Variants in EPB41L5 observed in about 807,000 individuals in gnomAD.
EPB41L5 encodes erythrocyte membrane protein band 4.1 like 5, also known as band 4.1-like protein 5.
A neutral mutation model predicts 106.6 loss-of-function variants in EPB41L5; 55 were observed. That is an observed-to-expected ratio of 0.52 (90% CI 0.42 to 0.65). The LOEUF (loss-of-function observed/expected upper bound fraction) is 0.65, where lower values mean the gene tolerates loss of function less well. EPB41L5 is among the 30% of genes least tolerant of loss of function. The pLI is 0.00. For synonymous variants in EPB41L5, 297 were observed against 306.7 expected (o/e 0.97, Z 0.33); for missense variants, 871 against 882.1 (o/e 0.99, Z 0.16).
rs539813602 is a variant in EPB41L5, at chr2:120,069,128, C to CAAAAAAAA, written c.286-4018_286-4011dup. Among the ~76,000 whole-genome samples, 55 of 79,548 alleles carry CAAAAAAAA rather than the reference C, an allele frequency of 6.9e-4. 1 individual carries two copies. Among genetic ancestry groups the CAAAAAAAA allele is most frequent in the African/African-American group, 1.2e-3 (20 of 16,920 alleles). The allele number at this position is 79,548 out of a possible 152,430, so 52.2% of individuals were successfully genotyped here. ...GGGCAACAAGAGTGAAACTCTGTCT[C>CAAAAAAAA]AAAAAAAAAAAAAAAAAAAAAAAAA... On this transcript the variant is annotated intron_variant, in intron 3 of 24. Coordinates refer to ENST00000263713, the MANE Select transcript of EPB41L5 (RefSeq NM_020909.4).
chr2:120,039,375 A>G (rs1679248682), intron 2 of EPB41L5, among the ~76,000 whole-genome samples: 1 of 152,170 alleles, frequency 6.6e-6, no homozygotes, highest in Non-Finnish European at 1.5e-5. Context: ...GTTGTACAAC[A>G]TGGTGAATAT....
At chr2:120,130,166 T>C (rs985384855) in intron 17 of EPB41L5, among the ~76,000 whole-genome samples, 1 of 148,712 alleles carries the variant, frequency 6.7e-6, no homozygotes, top group Non-Finnish European at 1.5e-5. Context: ...AAAAAAGGGT[T>C]CCTAAGAGTT....
intron 10 of EPB41L5, among the ~76,000 whole-genome samples, chr2:120,084,352 T>C (rs558425563): frequency 1.3e-5 from 2 of 152,216 alleles, no homozygotes; most frequent in East Asian, 3.8e-4. Flanking sequence ...TTTGCTTGTC[T>C]GTAAACTATT....
At chr2:120,132,906 C>T (rs933288808) in intron 18 of EPB41L5, among the ~76,000 whole-genome samples, 6 of 152,116 alleles carry the variant, frequency 3.9e-5, no homozygotes, top group Non-Finnish European at 1.5e-5. Flanking sequence ...TGGCTGTGCT[C>T]AGAGTTCATG....
chr2:120,021,002 T>C (rs1410843248), intron 2 of EPB41L5, among the ~76,000 whole-genome samples: 1 of 152,140 alleles, frequency 6.6e-6, no homozygotes, highest in Non-Finnish European at 1.5e-5. Flanking sequence ...ATGGGGACAA[T>C]TGTAGTGAAA....
At chr2:120,042,994 AATGTGTGT>A (rs1483557148) in intron 3 of EPB41L5, among the ~76,000 whole-genome samples, 11 of 71,120 alleles carry the variant, frequency 1.5e-4, no homozygotes, top group African/African-American at 4.1e-4. Context: ...TTTTTCTGGA[AATGTGTGT>A]GTGTGTGTGT....
Position 120,019,131 on chromosome 2 carries a change from A to G in EPB41L5, c.47A>G (p.Lys16Arg), listed in dbSNP as rs1427653218. 1.9e-6 allele frequency: 3 copies of G among 1,613,678 alleles called. No individual in the cohort carries two copies. The highest frequency in any genetic ancestry group is 2.5e-6 in the Non-Finnish European group (3 of 1,179,982). ...ACACTAGGGCGTCGGTCTATGCGTA[A>G]ACATGCAGAGAAGGAACGACTCCGA... ...RRTLGRRSMR[K>R]HAEKERLREA... Residue 16 changes from lysine to arginine, a missense_variant, in exon 2 of 25, where the codon AAA becomes AGA. Lys to Arg is a conservative substitution (Grantham distance 26, BLOSUM62 2). Transcript: ENST00000263713.
intron 3 of EPB41L5, among the ~76,000 whole-genome samples, chr2:120,043,539 C>G (rs1038625579): frequency 6.7e-6 from 1 of 150,148 alleles, no homozygotes; most frequent in South Asian, 2.1e-4. Flanking sequence ...AGAGCGAGAC[C>G]CTGTCTCAAA....
At chr2:120,071,187 A>AGAGAG (rs1681839203) in intron 3 of EPB41L5, among the ~76,000 whole-genome samples, 1 of 151,906 alleles carries the variant, frequency 6.6e-6, no homozygotes, top group Non-Finnish European at 1.5e-5. Context: ...ATTCCTATAC[A>AGAGAG]CCAATAACAG....
intron 10 of EPB41L5, among the ~76,000 whole-genome samples, chr2:120,083,083 G>GT (rs1300844825): frequency 4.6e-5 from 7 of 152,138 alleles, no homozygotes; most frequent in East Asian, 1.9e-4. Context: ...TTTTTGAAGG[G>GT]TTTTTTGTGT....
At chr2:120,079,409 A>G (rs1682483989) in intron 10 of EPB41L5, among the ~76,000 whole-genome samples, 1 of 152,146 alleles carries the variant, frequency 6.6e-6, no homozygotes, top group Non-Finnish European at 1.5e-5. Context: ...TCTGACTCAG[A>G]TCCCTCACAC....
At chr2:120,059,928 C>T (rs1462077447) in intron 3 of EPB41L5, among the ~76,000 whole-genome samples, 1 of 151,994 alleles carries the variant, frequency 6.6e-6, no homozygotes, top group Non-Finnish European at 1.5e-5. Context: ...AATTAGAAAG[C>T]AAACAGTCTA....
Position 120,063,891 on chromosome 2 carries a change from G to A in EPB41L5, c.286-9287G>A, listed in dbSNP as rs527583039. Among the ~76,000 whole-genome samples the A allele has an allele frequency of 9.2e-5, 14 of 151,866 alleles. No homozygotes were observed. The East Asian group carries it at 9.7e-4, about 11-fold the overall frequency. On this transcript the variant is annotated intron_variant, in intron 3 of 24. Coordinates refer to ENST00000263713, the MANE Select transcript of EPB41L5 (RefSeq NM_020909.4). Reference sequence around the variant, plus strand: ...CGGGAGGCGGAGGTTGCAGTGAGGCGAGATCGCGCCACTGCACTCCAGCCT... The same window carrying A: ...CGGGAGGCGGAGGTTGCAGTGAGGCAAGATCGCGCCACTGCACTCCAGCCT...
At chr2:120,050,162 G>A (rs560772835) in intron 3 of EPB41L5, among the ~76,000 whole-genome samples, 1 of 152,094 alleles carries the variant, frequency 6.6e-6, no homozygotes, top group Non-Finnish European at 1.5e-5. Flanking sequence ...TCTTCTCGAG[G>A]AGTATCTTTG....
intron 10 of EPB41L5, among the ~76,000 whole-genome samples, chr2:120,082,277 A>G (rs951084312): frequency 3.3e-5 from 5 of 152,186 alleles, no homozygotes; most frequent in Non-Finnish European, 5.9e-5. Context: ...ATTTTGAGAT[A>G]CATCCCATCA....
At chr2:120,074,304 A>G in intron 5 of EPB41L5, 126 bp downstream of exon 5, 1 of 631,054 alleles carries the variant, frequency 1.6e-6, no homozygotes, top group East Asian at 3.0e-5. Context: ...AAGACCTCAA[A>G]TAATAGAATT....
At chr2:120,043,278 C>T (rs968308283) in intron 3 of EPB41L5, among the ~76,000 whole-genome samples, 2 of 151,994 alleles carry the variant, frequency 1.3e-5, no homozygotes, top group Admixed American at 1.3e-4. Flanking sequence ...TGGTGGCTCA[C>T]ACCTGTAATC....
chr2:120,084,747 G>C (rs988323893), intron 10 of EPB41L5, among the ~76,000 whole-genome samples: 32 of 152,082 alleles, frequency 2.1e-4, no homozygotes, highest in African/African-American at 4.3e-4. Context: ...TTCTCCCCTT[G>C]ACTTTCAGGT....
rs575071458 is a variant in EPB41L5, at chr2:120,014,134, C to T, written c.-9+924C>T. On this transcript the variant is annotated intron_variant, in intron 1 of 24. Transcript: ENST00000263713. ...ATAGTGTTACCTTAAATGGCATTTG[C>T]TGTATGTTATATTGCTTTATCAAAA... Among the ~76,000 whole-genome samples the T allele has an allele frequency of 7.2e-5, 11 of 152,322 alleles. No homozygotes were observed. The South Asian group carries it at 2.3e-3, about 32-fold the overall frequency.
Sources: allele counts gnomAD v4.1 joint callset (sites outside exome capture counted in the v4.1 genomes callset), GRCh38; gene constraint gnomAD v4.1.1; transcripts MANE v1.5; gene names NCBI Gene and HGNC (gene_info 2026-07-23, HGNC 2026-07-21).